Variants in GSC2 observed in about 807,000 individuals in gnomAD.
GSC2 encodes the protein homeobox protein goosecoid-2.
GSC2 carries 12 observed loss-of-function variants against 11.3 expected under a neutral mutation model. The observed-to-expected ratio is 1.06, with a 90% CI of 0.68 to 1.72. The LOEUF (loss-of-function observed/expected upper bound fraction) is 1.72. Among genes scored for constraint, GSC2 ranks in the 40% most tolerant of loss-of-function variants. The pLI, the probability that GSC2 is intolerant of heterozygous loss-of-function variation, is 0.00. For missense variants in GSC2, 310 were observed against 235.7 expected, an observed-to-expected ratio of 1.32 and a Z score of -2.06; for synonymous variants, 148 against 110.0, an observed-to-expected ratio of 1.35 and a Z score of -2.16.
chr22:19,149,847 C>G lies in GSC2; in HGVS notation c.329G>C (p.Gly110Ala), dbSNP rs782629430. 12 of 1,520,402 alleles carry G rather than the reference C, an allele frequency of 7.9e-6. No individual in the cohort carries two copies. The South Asian group carries it at 1.2e-4, about 15-fold the overall frequency. 94.2% of individuals were successfully genotyped at this position (1,520,402 alleles called of 1,614,324 possible). Residue 110 changes from glycine to alanine, a missense_variant, in exon 2 of 3, where the codon GGT becomes GCT. Gly to Ala is a moderately conservative substitution (Grantham distance 60). Transcript: ENST00000086933. ...VPLSLGAPAG[G>A]SGALPGAVGP... is the part of the protein sequence containing the mutation. Reference sequence around the variant, plus strand: ...GACCGCGCCCGGGAGCGCCCCGGAACCTCCGGCTGGCGCACCCAGAGACAA... The same window carrying G: ...GACCGCGCCCGGGAGCGCCCCGGAAGCTCCGGCTGGCGCACCCAGAGACAA...
intron 2 of GSC2, among the ~76,000 whole-genome samples, chr22:19,149,452 C>T (rs1365862240): frequency 2.0e-5 from 3 of 152,362 alleles, no homozygotes; most frequent in South Asian, 4.1e-4. Flanking sequence ...GAAAAGTAGC[C>T]CTCCGGTTCC....
chr22:19,147,939 C>G lies in GSC2; in HGVS notation c.*1052G>C, dbSNP rs1032938186. Among the ~76,000 whole-genome samples, 4 of 152,108 alleles carry G rather than the reference C, an allele frequency of 2.6e-5. No individual in the cohort carries two copies. The highest frequency in any genetic ancestry group is 4.4e-5 in the Non-Finnish European group (3 of 68,012). On this transcript the variant is annotated 3_prime_UTR_variant, in exon 3 of 3. Transcript: ENST00000086933. ...CCACTGTAGGGCCTACTTGGGGAAT[C>G]TAAGGCTTCTTTCCACTGTGCCTTT...
Position 19,147,724 on chromosome 22 carries a change from T to C in GSC2, c.*1267A>G, listed in dbSNP as rs1485310590. On this transcript the variant is annotated 3_prime_UTR_variant, in exon 3 of 3. Transcript: ENST00000086933. Reference sequence around the variant, plus strand: ...CAGTTCTGACTGGGGACACCATGCTTGCTTGGTGTTATCCAAGCTGGCCAG... The same window carrying C: ...CAGTTCTGACTGGGGACACCATGCTCGCTTGGTGTTATCCAAGCTGGCCAG... 6.6e-6 allele frequency among the ~76,000 whole-genome samples: 1 copy of C among 152,116 alleles called. No individual in the cohort carries two copies. Among genetic ancestry groups the C allele is most frequent in the Non-Finnish European group, 1.5e-5 (1 of 67,988 alleles).
Position 19,150,238 on chromosome 22 carries a change from G to T in GSC2, c.46C>A (p.Arg16=), listed in dbSNP as rs2083821796. 1 of 278,184 alleles carries T rather than the reference G, an allele frequency of 3.6e-6. No individual in the cohort carries two copies. The highest frequency in any genetic ancestry group is 6.1e-6 in the Non-Finnish European group (1 of 164,498). 17.2% of individuals were successfully genotyped at this position (278,184 alleles called of 1,614,324 possible). A position where few individuals can be genotyped will look rare whatever the true frequency, so the allele number is the denominator to read the frequency against. ...GGAASRRGAG[R]PCPFSIEHIL... is the part of the protein sequence containing the mutation. ...TGCTCGATGGAGAAGGGGCAGGGCC[G>T]CCCGGCACCCCGGCGGCTCGCCGCG... Residue 16 remains arginine, a synonymous_variant, in exon 1 of 3, where the codon CGG becomes AGG. Transcript: ENST00000086933.
rs562482196 is a variant in GSC2, at chr22:19,147,325, G to A, written c.*1666C>T. On this transcript the variant is annotated 3_prime_UTR_variant, in exon 3 of 3. Transcript: ENST00000086933. ...AAGAGGGTGAAGATGAGAAGCGAGC[G>A]CCTGGGTGTGAGCGTGAAGGATGCC... is the stretch of plus-strand genomic sequence containing the variant. Among the ~76,000 whole-genome samples the A allele has an allele frequency of 3.3e-5, 5 of 152,282 alleles. No individual in the cohort carries two copies. Among genetic ancestry groups the A allele is most frequent in the East Asian group, 1.9e-4 (1 of 5,182 alleles).
rs1226416328 is a variant in GSC2, at chr22:19,149,821, C to A, written c.355G>T (p.Gly119Cys). 6.4e-7 allele frequency: 1 copy of A among 1,563,974 alleles called. No homozygotes were observed. The highest frequency in any genetic ancestry group is 8.6e-7 in the Non-Finnish European group (1 of 1,158,996). Residue 119 changes from glycine (G) to cysteine (C), a missense_variant, in exon 2 of 3, where the codon GGC becomes TGC. Coordinates refer to ENST00000086933, the MANE Select transcript of GSC2 (RefSeq NM_005315.2). ...GGSGALPGAV[G>C]PGSQRRTRRH... ...CTCGTGCGCCGCTGCGAACCCGGGC[C>A]GACCGCGCCCGGGAGCGCCCCGGAA...
In GSC2 at chr22:19,149,750, C is replaced by T; in HGVS notation, c.426G>A (p.Glu142=). The change falls in exon 2 of 3, where the codon GAG becomes GAA. Residue 142 remains glutamate (E), a synonymous_variant. Transcript: ENST00000086933. Reference sequence around the variant, plus strand: ...GATACTGGTTCTGCACGAAAAGCGCCTCGAGCGCCTGCAGCTGCTCTTCGC... The same window carrying T: ...GATACTGGTTCTGCACGAAAAGCGCTTCGAGCGCCTGCAGCTGCTCTTCGC... ...IFSEEQLQAL[E]ALFVQNQYPD... 5 of 1,595,606 alleles carry T rather than the reference C, an allele frequency of 3.1e-6. No homozygotes were observed. Among genetic ancestry groups the T allele is most frequent in the African/African-American group, 2.7e-5 (2 of 72,896 alleles).
In GSC2 at chr22:19,150,137, G is replaced by T; in HGVS notation, c.147C>A (p.Ser49Arg). 2.1e-6 allele frequency: 2 copies of T among 952,526 alleles called. No homozygotes were observed. Among genetic ancestry groups the T allele is most frequent in the Non-Finnish European group, 2.5e-6 (2 of 791,320 alleles). 59.0% of individuals were successfully genotyped at this position (952,526 alleles called of 1,614,324 possible). Residue 49 changes from serine to arginine, a missense_variant, in exon 1 of 3, where the codon AGC (serine) becomes AGA (arginine). Ser to Arg is a moderately radical substitution (Grantham distance 110). Transcript: ENST00000086933. ...ACPPQPAGRQ[S>R]PAKPEEPGAP... is the part of the protein sequence containing the mutation. The stretch of plus-strand genomic sequence containing the variant: ...CCCCGGGCTCCTCTGGCTTCGCGGG[G>T]CTCTGGCGACCGGCGGGCTGCGGTG...
At chr22:19,149,492 G>A (rs556552480) in intron 2 of GSC2, among the ~76,000 whole-genome samples, 171 bp downstream of exon 2, 64 of 152,334 alleles carry the variant, frequency 4.2e-4, no homozygotes, top group Admixed American at 7.2e-4. Context: ...GCTCTCACCC[G>A]CTCCTCATAC....
At chr22:19,149,559 C>T in intron 2 of GSC2, 104 bp downstream of exon 2, 1 of 1,270,434 alleles carries the variant, frequency 7.9e-7, no homozygotes, top group Non-Finnish European at 1.0e-6. Flanking sequence ...CAGGGCGGGG[C>T]TTGGGCCGAG....
Position 19,150,066 on chromosome 22 carries a change from C to CG in GSC2, c.217dup (p.Arg73ProfsTer80). 1 of 999,198 alleles carries CG rather than the reference C, an allele frequency of 1.0e-6. No homozygotes were observed. Among genetic ancestry groups the CG allele is most frequent in the Non-Finnish European group, 1.2e-6 (1 of 840,598 alleles). The allele number at this position is 999,198 out of a possible 1,614,324, so 61.9% of individuals were successfully genotyped here. ...CTCTGGGGGCCCGCAGGGCGCCGCGCGGGGGCCGCAGCAGCAGCAGCAGGC... is the reference window on the plus strand; with the variant it reads ...CTCTGGGGGCCCGCAGGGCGCCGCGCGGGGGGCCGCAGCAGCAGCAGCAGGC... On this transcript the variant is annotated frameshift_variant, in exon 1 of 3. Coordinates refer to ENST00000086933, the MANE Select transcript of GSC2 (RefSeq NM_005315.2). LOFTEE classifies it high-confidence loss of function.
rs1482750612 is a variant in GSC2 at position 19,150,242 on chromosome 22, G to A, written c.42C>T (p.Ala14=). 6.0e-5 allele frequency: 16 copies of A among 264,948 alleles called. No individual in the cohort carries two copies. The highest frequency in any genetic ancestry group is 8.4e-5 in the Non-Finnish European group (13 of 154,762). 16.4% of individuals were successfully genotyped at this position (264,948 alleles called of 1,614,324 possible). A position where few individuals can be genotyped will look rare whatever the true frequency, so the allele number is the denominator to read the frequency against. Residue 14 remains alanine, a synonymous_variant, in exon 1 of 3, where the codon GCC becomes GCT. Transcript: ENST00000086933. ...CGATGGAGAAGGGGCAGGGCCGCCC[G>A]GCACCCCGGCGGCTCGCCGCGCCCC... ...AAGGAASRRG[A]GRPCPFSIEH... is the part of the protein sequence containing the mutation.
intron 2 of GSC2, among the ~76,000 whole-genome samples, chr22:19,149,432 C>G (rs1321642956): frequency 2.6e-5 from 4 of 151,818 alleles, no homozygotes; most frequent in African/African-American, 7.2e-5. Context: ...AAGTGTAAAA[C>G]AAAAGAAAAG....
chr22:19,149,188 A>G, intron 2 of GSC2, 93 bp from the exon 3 acceptor site: 1 of 756,876 alleles, frequency 1.3e-6, no homozygotes, highest in South Asian at 2.0e-5. Flanking sequence ...GAGCTTCGCA[A>G]CAGGGATGTG....
At position 19,149,852 on chromosome 22, in the gene GSC2, G is replaced by A; in HGVS notation, c.324C>T (p.Ala108=). ...CGCCCGGGAGCGCCCCGGAACCTCC[G>A]GCTGGCGCACCCAGAGACAAGGGCA... ...PAVPLSLGAP[A]GGSGALPGAV... Residue 108 remains alanine (A), a synonymous_variant, in exon 2 of 3, where the codon GCC becomes GCT. Coordinates refer to ENST00000086933, the MANE Select transcript of GSC2 (RefSeq NM_005315.2). The A allele has an allele frequency of 1.3e-6, 2 of 1,511,220 alleles. No individual in the cohort carries two copies. Among genetic ancestry groups the A allele is most frequent in the East Asian group, 2.7e-5 (1 of 37,470 alleles). 93.6% of individuals were successfully genotyped at this position (1,511,220 alleles called of 1,614,324 possible). A position where few individuals can be genotyped will look rare whatever the true frequency, so the allele number is the denominator to read the frequency against.
At position 19,149,666 on chromosome 22, in the gene GSC2, C is replaced by T; in HGVS notation, c.510G>A (p.Val170=). 1 of 1,543,832 alleles carries T rather than the reference C, an allele frequency of 6.5e-7. No homozygotes were observed. The highest frequency in any genetic ancestry group is 8.7e-7 in the Non-Finnish European group (1 of 1,149,582). Residue 170 remains valine, a synonymous_variant, in exon 2 of 3, where the codon GTG becomes GTA. Transcript: ENST00000086933. ...AGRIRLREER[V]EVWFKNRRAK... ...AAAGGCTGGGCGGGGCACTCACCTC[C>T]ACGCGCTCCTCGCGAAGGCGGATGC... is the stretch of plus-strand genomic sequence containing the variant.
In GSC2 at chr22:19,147,656, G is replaced by A. The variant is rs535527846; in HGVS notation, c.*1335C>T. Among the ~76,000 whole-genome samples the A allele has an allele frequency of 5.9e-5, 9 of 152,180 alleles. No individual in the cohort carries two copies. The highest frequency in any genetic ancestry group is 8.8e-5 in the Non-Finnish European group (6 of 68,024). Reference sequence around the variant, plus strand: ...GGAGAAGGGCTTTGTGTGCATGCTAGGGGTGGAGGCGGGGATGCTAGGGAC... The same window carrying A: ...GGAGAAGGGCTTTGTGTGCATGCTAAGGGTGGAGGCGGGGATGCTAGGGAC... On this transcript the variant is annotated 3_prime_UTR_variant, in exon 3 of 3. Coordinates refer to ENST00000086933, the MANE Select transcript of GSC2 (RefSeq NM_005315.2).
Position 19,149,819 on chromosome 22 carries a change from G to A in GSC2, c.357C>T (p.Gly119=), listed in dbSNP as rs1555918091. Residue 119 remains glycine, a synonymous_variant, in exon 2 of 3, where the codon GGC becomes GGT. Coordinates refer to ENST00000086933, the MANE Select transcript of GSC2 (RefSeq NM_005315.2). ...GCCTCGTGCGCCGCTGCGAACCCGG[G>A]CCGACCGCGCCCGGGAGCGCCCCGG... ...GGSGALPGAV[G]PGSQRRTRRH... 5 of 1,566,712 alleles carry A rather than the reference G, an allele frequency of 3.2e-6. No homozygotes were observed. Among genetic ancestry groups the A allele is most frequent in the Non-Finnish European group, 4.3e-6 (5 of 1,160,336 alleles).
intron 2 of GSC2, among the ~76,000 whole-genome samples, chr22:19,149,427 TAAAAC>T (rs765503821): frequency 1.4e-3 from 211 of 152,306 alleles, no homozygotes; most frequent in Non-Finnish European, 2.5e-3. Context: ...GAGGAAAGTG[TAAAAC>T]AAAAGAAAAG....
Sources: allele counts gnomAD v4.1 joint callset (sites outside exome capture counted in the v4.1 genomes callset), GRCh38; gene constraint gnomAD v4.1.1; transcripts MANE v1.5; gene names NCBI Gene and HGNC (gene_info 2026-07-23, HGNC 2026-07-21).